The following XKR6 variants were observed in gnomAD, a reference collection of about 807,000 sequenced individuals.
XKR6 encodes the protein XK-related protein 6.
A neutral mutation model predicts 56.7 loss-of-function variants in XKR6; 22 were observed. The observed-to-expected ratio is 0.39, with a 90% confidence interval of 0.28 to 0.55. The LOEUF is 0.55. Ranked by LOEUF, XKR6 falls within the 20% of genes least tolerant of loss-of-function variation. XKR6 has a pLI of 0.66. For synonymous variants in XKR6, 524 were observed against 387.8 expected (o/e 1.35, Z -4.13); for missense variants, 852 against 889.0 (o/e 0.96, Z 0.53).
intron 1 of XKR6, among the ~76,000 whole-genome samples, chr8:11,046,226 C>A (rs1048400883): frequency 6.6e-6 from 1 of 152,022 alleles, no homozygotes; most frequent in Non-Finnish European, 1.5e-5. Context: ...TGGTGAAACC[C>A]CCGTCTCTAC....
chr8:10,939,935 C>T (rs1420632630), intron 1 of XKR6, among the ~76,000 whole-genome samples: 3 of 152,258 alleles, frequency 2.0e-5, no homozygotes, highest in Admixed American at 2.0e-4. Flanking sequence ...CTCCCCCTCC[C>T]CCAGGTGTGT....
At chr8:11,111,922 A>G (rs754225908) in intron 1 of XKR6, 7 of 152,206 alleles carry the variant, frequency 4.6e-5, no homozygotes, top group Non-Finnish European at 5.9e-5. Context: ...CAAATTAAAC[A>G]ATGTCAAAGG....
At chr8:11,081,436 C>A (rs979568220) in intron 1 of XKR6, among the ~76,000 whole-genome samples, 1 of 152,222 alleles carries the variant, frequency 6.6e-6, no homozygotes, top group East Asian at 1.9e-4. Flanking sequence ...CACGACAGTT[C>A]ATCACAAATA....
chr8:11,075,587 T>C (rs560731173), intron 1 of XKR6, among the ~76,000 whole-genome samples: 1 of 152,264 alleles, frequency 6.6e-6, no homozygotes, highest in African/African-American at 2.4e-5. Flanking sequence ...AATTTACTGA[T>C]TCAAAAAAGT....
At chr8:11,132,699 T>C (rs1044420772) in intron 1 of XKR6, among the ~76,000 whole-genome samples, 2 of 151,930 alleles carry the variant, frequency 1.3e-5, no homozygotes, top group African/African-American at 4.8e-5. Context: ...TACCTGGCAA[T>C]GGCCTAATCT....
At chr8:11,166,193 A>G (rs2117028790) in intron 1 of XKR6, among the ~76,000 whole-genome samples, 1 of 152,276 alleles carries the variant, frequency 6.6e-6, no homozygotes, top group East Asian at 1.9e-4. Flanking sequence ...AAGAGGAAAA[A>G]GACCATTGAA....
intron 1 of XKR6, among the ~76,000 whole-genome samples, chr8:11,125,147 G>T (rs1799708159): frequency 6.6e-6 from 1 of 151,570 alleles, no homozygotes; most frequent in Non-Finnish European, 1.5e-5. Flanking sequence ...GTAGGAAAAT[G>T]TGAAAGCAAG....
At chr8:10,902,065 G>T (rs1297438771) in intron 2 of XKR6, among the ~76,000 whole-genome samples, 1 of 152,168 alleles carries the variant, frequency 6.6e-6, no homozygotes, top group Non-Finnish European at 1.5e-5. Flanking sequence ...CTCCCTTCAT[G>T]GCAGTGGTGC....
chr8:11,003,993 G>C (rs951897576), intron 1 of XKR6, among the ~76,000 whole-genome samples: 1 of 152,166 alleles, frequency 6.6e-6, no homozygotes, highest in Non-Finnish European at 1.5e-5. Flanking sequence ...AGGAAGGGCG[G>C]GTGGCTGTGG....
At chr8:11,169,178 C>G (rs1232439821) in intron 1 of XKR6, among the ~76,000 whole-genome samples, 5 of 151,958 alleles carry the variant, frequency 3.3e-5, no homozygotes, top group Non-Finnish European at 7.4e-5. Flanking sequence ...GTTGGCAACC[C>G]TCTTCCAGGC....
At chr8:11,023,457 T>A (rs1192065997) in intron 1 of XKR6, among the ~76,000 whole-genome samples, 4 of 152,118 alleles carry the variant, frequency 2.6e-5, no homozygotes, top group Admixed American at 1.3e-4. Context: ...AGAGATGGGG[T>A]CTGGCTGCAT....
At chr8:10,952,499 G>C (rs942036919) in intron 1 of XKR6, among the ~76,000 whole-genome samples, 1 of 152,098 alleles carries the variant, frequency 6.6e-6, no homozygotes, top group Non-Finnish European at 1.5e-5. Flanking sequence ...TGTTGCCCTG[G>C]CTGAAGTGCA....
intron 1 of XKR6, among the ~76,000 whole-genome samples, chr8:10,936,292 GTC>G (rs1355940568): frequency 6.8e-6 from 1 of 147,706 alleles, no homozygotes; most frequent in Non-Finnish European, 1.5e-5. Flanking sequence ...GCCTATGTGT[GTC>G]TCTGCACGTG....
At chr8:10,977,005 C>T (rs918736501) in intron 1 of XKR6, among the ~76,000 whole-genome samples, 4 of 152,126 alleles carry the variant, frequency 2.6e-5, no homozygotes, top group African/African-American at 9.7e-5. Context: ...ACACCGAGGC[C>T]AGGACCAGAA....
rs562772596 is a variant in XKR6, at chr8:10,970,965, T to C, written c.765-46135A>G. ...CCTTTTATCAGAAAATATAACATGT[T>C]TCCCTTTTTGTCTCAGCTGCCAGGA... is the stretch of plus-strand genomic sequence containing the variant. On this transcript the variant is annotated intron_variant, in intron 1 of 2. Transcript: ENST00000416569. 3.3e-5 allele frequency among the ~76,000 whole-genome samples: 5 copies of C among 152,000 alleles called. No individual in the cohort carries two copies. In the South Asian group the frequency reaches 6.2e-4, roughly 19 times the overall value.
chr8:10,931,098 G>A (rs1024645326), intron 1 of XKR6, among the ~76,000 whole-genome samples: 1 of 152,154 alleles, frequency 6.6e-6, no homozygotes, highest in Non-Finnish European at 1.5e-5. Context: ...TCACAATACA[G>A]GGTCAGCCTG....
chr8:11,159,181 T>C (rs565189507), intron 1 of XKR6, among the ~76,000 whole-genome samples: 2 of 152,230 alleles, frequency 1.3e-5, no homozygotes, highest in Non-Finnish European at 1.5e-5. Context: ...ACATCCACCA[T>C]ATATTCCCAG....
intron 1 of XKR6, among the ~76,000 whole-genome samples, chr8:11,000,801 G>A (rs2129142938): frequency 6.6e-6 from 1 of 152,306 alleles, no homozygotes; most frequent in African/African-American, 2.4e-5. Flanking sequence ...GTTTTTAACT[G>A]GATGTGAAGG....
At chr8:10,911,286 G>A (rs1369760821) in intron 2 of XKR6, among the ~76,000 whole-genome samples, 1 of 148,218 alleles carries the variant, frequency 6.7e-6, no homozygotes, top group Non-Finnish European at 1.5e-5. Context: ...GAGAGAGGGT[G>A]AGATTGTATA....
Sources: allele counts gnomAD v4.1 joint callset (sites outside exome capture counted in the v4.1 genomes callset), GRCh38; gene constraint gnomAD v4.1.1; transcripts MANE v1.5; gene names NCBI Gene and HGNC (gene_info 2026-07-23, HGNC 2026-07-21).